SLC23A2: variants seen among roughly 807,000 people sequenced by gnomAD.
The protein encoded by SLC23A2 is Na(+)/L-ascorbic acid transporter 2.
In SLC23A2, 36 loss-of-function variants were observed where a neutral mutation model predicts 73.3. The observed-to-expected ratio is 0.49, with a 90% CI of 0.38 to 0.65. The LOEUF is 0.65. SLC23A2 is among the 30% of genes least tolerant of loss of function. SLC23A2 has a pLI of 0.00. For synonymous variants in SLC23A2, 343 were observed against 327.3 expected, an observed-to-expected ratio of 1.05 and a Z score of -0.52; for missense variants, 507 against 841.6, an observed-to-expected ratio of 0.60 and a Z score of 4.92.
chr20:5,010,154 C>T (rs2088234999), intron 1 of SLC23A2: 1 of 151,488 alleles, frequency 6.6e-6, no homozygotes, highest in Admixed American at 6.6e-5. Context: ...AATTAGCTCA[C>T]GTGATTCTAA....
chr20:4,952,441 G>A (rs1258734851), intron 2 of SLC23A2, among the ~76,000 whole-genome samples: 2 of 152,102 alleles, frequency 1.3e-5, no homozygotes, highest in African/African-American at 4.8e-5. Context: ...GTCTTAACAA[G>A]GAATTTTATA....
chr20:4,906,027 C>T (rs1391589935), intron 4 of SLC23A2, among the ~76,000 whole-genome samples: 3 of 152,036 alleles, frequency 2.0e-5, no homozygotes, highest in Non-Finnish European at 4.4e-5. Context: ...TTTTTTTTCT[C>T]TTGATCAGGG....
intron 1 of SLC23A2, among the ~76,000 whole-genome samples, chr20:4,988,766 A>G (rs2087874093): frequency 6.6e-6 from 1 of 151,326 alleles, no homozygotes; most frequent in East Asian, 2.0e-4. Flanking sequence ...GAAAAAAAAA[A>G]TTAGCCAGGT....
At position 4,883,563 on chromosome 20, in the gene SLC23A2, C is replaced by T; in HGVS notation, c.824+79G>A. 5.0e-6 allele frequency: 5 copies of T among 999,280 alleles called. No homozygotes were observed. Among genetic ancestry groups the T allele is most frequent in the Non-Finnish European group, 7.3e-6 (5 of 683,286 alleles). 61.9% of individuals were successfully genotyped at this position (999,280 alleles called of 1,614,324 possible). ...TCAGACCATTCTTATTATTGAAAAA[C>T]ATTATCTCCTGAAGTCTGTGTGAAT... On this transcript the variant is annotated intron_variant, in intron 9 of 16. Transcript: ENST00000338244. This position sits in a 1 kb window ranked among gnomAD's most constrained non-coding sequence, Gnocchi z 4.5.
At chr20:4,924,640 GC>G (rs1932610765) in intron 3 of SLC23A2, among the ~76,000 whole-genome samples, 1 of 152,210 alleles carries the variant, frequency 6.6e-6, no homozygotes, top group Admixed American at 6.5e-5. Context: ...TCTGGTCAAT[GC>G]CCATCCTGGT....
At position 4,923,747 on chromosome 20, in the gene SLC23A2, T is replaced by C. The variant is rs117111368; in HGVS notation, c.108+8708A>G. 8.5e-5 allele frequency among the ~76,000 whole-genome samples: 13 copies of C among 152,314 alleles called. 1 individual carries two copies. In the East Asian group the frequency reaches 1.7e-3, roughly 20 times the overall value. ...GTACAAAAAGGAACTTCACAGCACCTGGTACGAAAGTCACAAGAACAAGGA... is the reference window on the plus strand; with the variant it reads ...GTACAAAAAGGAACTTCACAGCACCCGGTACGAAAGTCACAAGAACAAGGA... On this transcript the variant is annotated intron_variant, in intron 3 of 16. Transcript: ENST00000338244.
rs1361976405 is a variant in SLC23A2 at position 4,857,319 on chromosome 20, CACACACACACACACACAT to C, written c.1721-133_1721-116del. On this transcript the variant is annotated intron_variant, in intron 16 of 16. Transcript: ENST00000338244. This position sits in a 1 kb window ranked among gnomAD's most constrained non-coding sequence, Gnocchi z 4.0. ...ACACACACACACACACACACACACA[CACACACACACACACACAT>C]GGTCCCACAGATCAAACCTGCCTAG... The C allele has an allele frequency of 2.4e-4, 133 of 544,830 alleles. No homozygotes were observed. Among genetic ancestry groups the C allele is most frequent in the African/African-American group, 1.9e-3 (78 of 40,748 alleles). 33.7% of individuals were successfully genotyped at this position (544,830 alleles called of 1,614,324 possible). A position where few individuals can be genotyped will look rare whatever the true frequency, so the allele number is the denominator to read the frequency against.
At chr20:4,936,489 T>C (rs761448429) in intron 2 of SLC23A2, among the ~76,000 whole-genome samples, 4 of 152,158 alleles carry the variant, frequency 2.6e-5, no homozygotes, top group African/African-American at 7.2e-5. Context: ...GGTCTCATTA[T>C]GTTGCCCAGG....
Position 4,854,636 on chromosome 20 carries a change from G to A in SLC23A2, c.*2336C>T, listed in dbSNP as rs1242041240. ...TTGAAAGGGTAGGGCTTCCTTCCCT[G>A]TGTGAAGGCCTACAGAGGGCACCCC... On this transcript the variant is annotated 3_prime_UTR_variant, in exon 17 of 17. Transcript: ENST00000338244. The A allele has an allele frequency of 6.6e-6, 1 of 152,186 alleles. No individual in the cohort carries two copies. The highest frequency in any genetic ancestry group is 2.4e-5 in the African/African-American group (1 of 41,436). 9.4% of individuals were successfully genotyped at this position (152,186 alleles called of 1,614,324 possible). A position where few individuals can be genotyped will look rare whatever the true frequency, so the allele number is the denominator to read the frequency against.
intron 2 of SLC23A2, among the ~76,000 whole-genome samples, chr20:4,958,450 T>C (rs2087326810): frequency 6.6e-6 from 1 of 152,238 alleles, no homozygotes; most frequent in African/African-American, 2.4e-5. Context: ...TTAACATACA[T>C]TTTCCAGAAA....
intron 3 of SLC23A2, among the ~76,000 whole-genome samples, chr20:4,920,237 G>A (rs961392757): frequency 1.3e-5 from 2 of 152,120 alleles, no homozygotes; most frequent in African/African-American, 4.8e-5. Flanking sequence ...CTCCAGCCTG[G>A]GCAACAGAAC....
At chr20:4,979,395 C>T (rs1336525008) in intron 1 of SLC23A2, among the ~76,000 whole-genome samples, 1 of 152,020 alleles carries the variant, frequency 6.6e-6, no homozygotes, top group Non-Finnish European at 1.5e-5. Flanking sequence ...AGCGCCCAAA[C>T]TTAAGGTTCA....
intron 13 of SLC23A2, among the ~76,000 whole-genome samples, chr20:4,866,058 C>G (rs1930184814): frequency 6.6e-6 from 1 of 152,130 alleles, no homozygotes; most frequent in East Asian, 1.9e-4. Flanking sequence ...GTCTCGAACT[C>G]CTGACCTCAG....
In SLC23A2 at chr20:4,998,186, TA is replaced by T. The variant is rs1190225472; in HGVS notation, c.-282+3219del. The stretch of plus-strand genomic sequence containing the variant: ...AAATATCAACTCCCATCCCCACACT[TA>T]ATCCCCCGAGCCTTGTCAGATTCCT... On this transcript the variant is annotated intron_variant, in intron 1 of 16. Transcript: ENST00000338244. The surrounding 1 kb of genome is among the most constrained non-coding windows in gnomAD (Gnocchi z 4.1). Among the ~76,000 whole-genome samples the T allele has an allele frequency of 6.6e-6, 1 of 152,122 alleles. No individual in the cohort carries two copies. The highest frequency in any genetic ancestry group is 1.9e-4 in the East Asian group (1 of 5,190).
Position 4,868,707 on chromosome 20 carries a change from G to C in SLC23A2, c.1251-832C>G, listed in dbSNP as rs1009888805. 2.0e-5 allele frequency among the ~76,000 whole-genome samples: 3 copies of C among 152,148 alleles called. No homozygotes were observed. The highest frequency in any genetic ancestry group is 7.2e-5 in the African/African-American group (3 of 41,412). ...AGAAAGATGGGGACATCAGGTACCA[G>C]AGCCAAGGCCCAGTCCATTAATCTC... On this transcript the variant is annotated intron_variant, in intron 12 of 16. Transcript: ENST00000338244. The surrounding 1 kb of genome is among the most constrained non-coding windows in gnomAD (Gnocchi z 4.4).
At chr20:4,929,567 G>A (rs960811869) in intron 3 of SLC23A2, among the ~76,000 whole-genome samples, 5 of 152,214 alleles carry the variant, frequency 3.3e-5, no homozygotes, top group African/African-American at 1.2e-4. Flanking sequence ...GAAGATTCCA[G>A]ATGGAAAGAG....
intron 2 of SLC23A2, among the ~76,000 whole-genome samples, chr20:4,969,730 G>T (rs1446460006): frequency 6.6e-6 from 1 of 151,872 alleles, no homozygotes; most frequent in Non-Finnish European, 1.5e-5. Context: ...GACTATAGGC[G>T]TGCACCACCA....
chr20:4,899,235 C>G lies in SLC23A2; in HGVS notation c.482+320G>C, dbSNP rs1441310135. ...AGCCAACGGGGAGCCTGGTGGGACA[C>G]TCTGGTCTGAACGTAAGGAATAGGG... On this transcript the variant is annotated intron_variant, in intron 6 of 16. Transcript: ENST00000338244. This position sits in a 1 kb window ranked among gnomAD's most constrained non-coding sequence, Gnocchi z 4.9. 1.3e-5 allele frequency among the ~76,000 whole-genome samples: 2 copies of G among 152,128 alleles called. No homozygotes were observed. Among genetic ancestry groups the G allele is most frequent in the Non-Finnish European group, 2.9e-5 (2 of 68,042 alleles).
In SLC23A2 at chr20:4,852,805, A is replaced by G. The variant is rs1600062795; in HGVS notation, c.*4167T>C. On this transcript the variant is annotated 3_prime_UTR_variant, in exon 17 of 17. Transcript: ENST00000338244. This position sits in a 1 kb window ranked among gnomAD's most constrained non-coding sequence, Gnocchi z 4.3. ...GGGGAAGGGTGTCCTAAGTGCCTGG[A>G]AACACGCACAGCAATGCTAAGGACA... The G allele has an allele frequency of 6.5e-6, 1 of 152,706 alleles. No homozygotes were observed. Among genetic ancestry groups the G allele is most frequent in the South Asian group, 2.1e-4 (1 of 4,822 alleles). 9.5% of individuals were successfully genotyped at this position (152,706 alleles called of 1,614,324 possible).
Sources: allele counts gnomAD v4.1 joint callset (sites outside exome capture counted in the v4.1 genomes callset), GRCh38; gene constraint gnomAD v4.1.1; non-coding constraint Gnocchi (gnomAD v3.1); transcripts MANE v1.5; gene names NCBI Gene and HGNC (gene_info 2026-07-23, HGNC 2026-07-21).